The following NUF2 variants were observed in gnomAD, a reference collection of about 807,000 sequenced individuals.
NUF2 encodes the protein NUF2 component of NDC80 kinetochore complex, also known as kinetochore protein Nuf2.
A neutral mutation model predicts 61.8 loss-of-function variants in NUF2; 34 were observed. That is an observed-to-expected ratio of 0.55 (90% CI 0.42 to 0.73). The LOEUF (loss-of-function observed/expected upper bound fraction) is 0.73, where lower values mean the gene tolerates loss of function less well. Ranked by LOEUF, NUF2 falls within the 30% of genes least tolerant of loss-of-function variation. The pLI is 0.00. For synonymous variants in NUF2, 172 were observed against 181.6 expected (o/e 0.95, Z 0.42); for missense variants, 445 against 539.1 (o/e 0.83, Z 1.73).
chr1:163,327,004 C>T (rs1650438963), intron 2 of NUF2, among the ~76,000 whole-genome samples: 1 of 151,848 alleles, frequency 6.6e-6, no homozygotes, highest in African/African-American at 2.4e-5. Context: ...TCTATATAAC[C>T]CTATTACATT....
chr1:163,349,787 G>A (rs1239687596), intron 13 of NUF2, among the ~76,000 whole-genome samples: 1 of 152,106 alleles, frequency 6.6e-6, no homozygotes, highest in Non-Finnish European at 1.5e-5. Flanking sequence ...ACTTTAAAAG[G>A]AAGGAAAGGA....
At chr1:163,322,329 G>A (rs779603809) in intron 1 of NUF2, 117 bp downstream of exon 1, 1 of 152,236 alleles carries the variant, frequency 6.6e-6, no homozygotes. Context: ...AAGAAGACGA[G>A]CTTGAGCTGA....
At chr1:163,324,688 T>C (rs1199772709) in intron 1 of NUF2, among the ~76,000 whole-genome samples, 2 of 152,136 alleles carry the variant, frequency 1.3e-5, no homozygotes, top group African/African-American at 4.8e-5. Context: ...GCAATAACAG[T>C]GGCTGCTATT....
At chr1:163,327,377 G>T in intron 2 of NUF2, 111 bp from the exon 3 acceptor site, 2 of 651,294 alleles carry the variant, frequency 3.1e-6, no homozygotes, top group Non-Finnish European at 5.5e-6. Context: ...GAATAATTTT[G>T]TTGCCTTTTT....
Position 163,327,491 on chromosome 1 carries a change from G to C in NUF2, c.127G>C (p.Glu43Gln). The change falls in exon 3 of 14, where the codon GAA becomes CAA. Residue 43 changes from glutamate (E) to glutamine (Q), a missense_variant. Transcript: ENST00000271452. The part of the protein sequence containing the change: ...KNDLYPNPKP[E>Q]VLHMIYMRAL... ...TCAAAGTTGTTTTTTGCTGTAGCCT[G>C]AAGTCTTGCACATGATCTACATGAG... 1.2e-6 allele frequency: 2 copies of C among 1,604,178 alleles called. No individual in the cohort carries two copies. The highest frequency in any genetic ancestry group is 1.7e-6 in the Non-Finnish European group (2 of 1,171,616).
Position 163,355,428 on chromosome 1 carries a change from A to G in NUF2, c.1354A>G (p.Thr452Ala). 1 of 1,604,902 alleles carries G rather than the reference A, an allele frequency of 6.2e-7. No individual in the cohort carries two copies. Among genetic ancestry groups the G allele is most frequent in the South Asian group, 1.1e-5 (1 of 89,708 alleles). ...CTCCTATGCTAAGATAGATGAGAAG[A>G]CAGCTGAACTGAAGAGGAAGATGTT... Reference protein sequence around the residue: ...EDSYAKIDEKTAELKRKMFKM... With the variant: ...EDSYAKIDEKAAELKRKMFKM... Residue 452 changes from threonine to alanine, a missense_variant, in exon 14 of 14, where the codon ACA becomes GCA. Physicochemically the swap from Thr to Ala is moderately conservative, Grantham distance 58 (BLOSUM62 0). Transcript: ENST00000271452.
At chr1:163,336,135 A>G (rs183774825) in intron 5 of NUF2, among the ~76,000 whole-genome samples, 1 of 150,744 alleles carries the variant, frequency 6.6e-6, no homozygotes, top group African/African-American at 2.4e-5. Context: ...ATGTCTGGTT[A>G]TTTTTAGCAG....
chr1:163,341,005 G>A, intron 9 of NUF2, among the ~76,000 whole-genome samples: 1 of 151,786 alleles, frequency 6.6e-6, no homozygotes, highest in East Asian at 1.9e-4. Context: ...TTTTGTTTAG[G>A]ATTTCTGGGT....
Position 163,334,271 on chromosome 1 carries a change from A to G in NUF2, c.338-2480A>G, listed in dbSNP as rs554949897. Among the ~76,000 whole-genome samples the G allele has an allele frequency of 5.9e-5, 9 of 152,340 alleles. No homozygotes were observed. In the South Asian group the frequency reaches 1.9e-3, roughly 32 times the overall value. On this transcript the variant is annotated intron_variant, in intron 5 of 13. Transcript: ENST00000271452. Reference sequence around the variant, plus strand: ...TTGCTATTGTGAATAGTGCTACAATAAACATACAAGTGCATTAATCTTTTT... The same window carrying G: ...TTGCTATTGTGAATAGTGCTACAATGAACATACAAGTGCATTAATCTTTTT...
Position 163,328,169 on chromosome 1 carries a change from A to G in NUF2, c.199-59A>G, listed in dbSNP as rs532050511. 6 of 1,090,618 alleles carry G rather than the reference A, an allele frequency of 5.5e-6. No individual in the cohort carries two copies. In the African/African-American group the frequency reaches 6.3e-5, roughly 11 times the overall value. The allele number at this position is 1,090,618 out of a possible 1,614,324, so 67.6% of individuals were successfully genotyped here. A position where few individuals can be genotyped will look rare whatever the true frequency, so the allele number is the denominator to read the frequency against. ...TAATATATTTTGATCTTGGTTGAAG[A>G]TTTTTCTCATTTTGTCTAATCAATG... is the stretch of plus-strand genomic sequence containing the variant. On this transcript the variant is annotated intron_variant, in intron 3 of 13. Transcript: ENST00000271452.
chr1:163,345,704 C>A lies in NUF2; in HGVS notation c.834C>A (p.Ile278=). Residue 278 remains isoleucine (I), a synonymous_variant, in exon 11 of 14, where the codon ATC becomes ATA. Coordinates refer to ENST00000271452, the MANE Select transcript of NUF2 (RefSeq NM_145697.3). The part of the protein sequence containing the change: ...ARQEVVEKYE[I]YGDSVDCLPS... Reference sequence around the variant, plus strand: ...AAGAAGTGGTGGAGAAATATGAAATCTATGGAGACTCAGTTGACTGCCTGC... The same window carrying A: ...AAGAAGTGGTGGAGAAATATGAAATATATGGAGACTCAGTTGACTGCCTGC... The A allele has an allele frequency of 6.2e-7, 1 of 1,612,926 alleles. No individual in the cohort carries two copies.
intron 1 of NUF2, among the ~76,000 whole-genome samples, chr1:163,324,784 C>A (rs529180463): frequency 2.6e-5 from 4 of 152,096 alleles, no homozygotes; most frequent in African/African-American, 9.7e-5. Context: ...TCCTTACTTA[C>A]CGGAATCTCA....
At chr1:163,329,023 T>G (rs1297823820) in intron 5 of NUF2, 116 bp downstream of exon 5, 7 of 511,434 alleles carry the variant, frequency 1.4e-5, no homozygotes, top group Non-Finnish European at 1.4e-5. Context: ...GAAATTGCCT[T>G]TAAAAAGTAT....
At chr1:163,339,092 A>G (rs957626388) in intron 7 of NUF2, among the ~76,000 whole-genome samples, 8 of 152,118 alleles carry the variant, frequency 5.3e-5, no homozygotes, top group African/African-American at 1.9e-4. Context: ...CAGCATTACC[A>G]GAAGGCATAC....
intron 2 of NUF2, 44 bp from the exon 3 acceptor site, chr1:163,327,444 T>G (rs751763946): frequency 5.9e-6 from 6 of 1,014,068 alleles, no homozygotes; most frequent in Non-Finnish European, 9.4e-6. Flanking sequence ...TGACATAGCT[T>G]TAGAGTTATG....
At chr1:163,333,327 A>C (rs1036223339) in intron 5 of NUF2, among the ~76,000 whole-genome samples, 4 of 152,122 alleles carry the variant, frequency 2.6e-5, no homozygotes, top group African/African-American at 9.7e-5. Flanking sequence ...TGTAGACAGC[A>C]TATGGTTGGG....
At chr1:163,340,451 C>G (rs1287947579) in intron 9 of NUF2, 25 bp downstream of exon 9, 1 of 1,560,516 alleles carries the variant, frequency 6.4e-7, no homozygotes, top group Non-Finnish European at 8.8e-7. Context: ...TTTTCACTAG[C>G]ATTTAAAGTT....
intron 4 of NUF2, chr1:163,328,578 A>C: frequency 4.0e-6 from 2 of 505,084 alleles, no homozygotes; most frequent in Non-Finnish European, 6.9e-6. Flanking sequence ...TTGAGTTCTT[A>C]AAAGAGTCTT....
chr1:163,349,144 A>C (rs17358956), intron 13 of NUF2, 64 bp downstream of exon 13: 189,324 of 1,395,282 alleles, frequency 0.14, 13,580 homozygotes, highest in South Asian at 0.21. Flanking sequence ...TTGTTAACTG[A>C]AACAAAACAG....
Sources: allele counts gnomAD v4.1 joint callset (sites outside exome capture counted in the v4.1 genomes callset), GRCh38; gene constraint gnomAD v4.1.1; transcripts MANE v1.5; gene names NCBI Gene and HGNC (gene_info 2026-07-23, HGNC 2026-07-21).